FER1L6: variants seen among roughly 807,000 people sequenced by gnomAD.
The protein encoded by FER1L6 is fer-1-like protein 6.
Under a neutral mutation model 219.2 loss-of-function variants are expected in FER1L6, and 177 were observed. The observed-to-expected ratio is 0.81, with a 90% CI of 0.71 to 0.91. The LOEUF (loss-of-function observed/expected upper bound fraction) is 0.91. FER1L6 is among the 40% of genes least tolerant of loss of function. The pLI is 0.00. For synonymous variants in FER1L6, 768 were observed against 824.3 expected (o/e 0.93, Z 1.17); for missense variants, 2,153 against 2,259.9 (o/e 0.95, Z 0.96).
intron 39 of FER1L6, among the ~76,000 whole-genome samples, chr8:124,107,894 C>A (rs541855002): frequency 2.6e-5 from 4 of 152,262 alleles, no homozygotes; most frequent in African/African-American, 9.6e-5. Flanking sequence ...TGAGGACATG[C>A]ACATTTTATA....
At chr8:124,098,896 C>T (rs960145812) in intron 37 of FER1L6, among the ~76,000 whole-genome samples, 2 of 152,168 alleles carry the variant, frequency 1.3e-5, no homozygotes, top group Admixed American at 1.3e-4. Context: ...GCCACCAAAG[C>T]GACAGTGCTC....
intron 15 of FER1L6, among the ~76,000 whole-genome samples, chr8:124,014,998 G>T (rs935306063): frequency 6.6e-6 from 1 of 152,084 alleles, no homozygotes; most frequent in African/African-American, 2.4e-5. Flanking sequence ...ATGGGCCATT[G>T]GGCTGAGGAC....
At chr8:123,901,619 T>G (rs1397043437) in intron 1 of FER1L6, among the ~76,000 whole-genome samples, 1 of 152,142 alleles carries the variant, frequency 6.6e-6, no homozygotes, top group Admixed American at 6.6e-5. Context: ...ACTTTCAGTC[T>G]TTTTGATGTA....
At chr8:124,059,014 T>C (rs1460197146) in intron 22 of FER1L6, 3 of 152,216 alleles carry the variant, frequency 2.0e-5, no homozygotes, top group Admixed American at 1.3e-4. Flanking sequence ...TTTGCAGATT[T>C]TGATGCACAG....
chr8:124,005,217 C>T (rs1288194377), intron 13 of FER1L6, among the ~76,000 whole-genome samples: 1 of 152,196 alleles, frequency 6.6e-6, no homozygotes, highest in Non-Finnish European at 1.5e-5. Context: ...AAGACCTTCG[C>T]TAAACTATGA....
At chr8:124,059,318 G>A (rs1820450398) in intron 22 of FER1L6, among the ~76,000 whole-genome samples, 1 of 152,208 alleles carries the variant, frequency 6.6e-6, no homozygotes, top group Non-Finnish European at 1.5e-5. Context: ...ACACAGCAGA[G>A]CCTTATTTCT....
chr8:123,966,843 A>G (rs1471445239), intron 5 of FER1L6, among the ~76,000 whole-genome samples: 3 of 152,194 alleles, frequency 2.0e-5, no homozygotes, highest in African/African-American at 7.2e-5. Context: ...GCACTTTGGG[A>G]GGCCACGGCG....
In FER1L6 at chr8:124,082,099, T is replaced by C. The variant is rs530128488; in HGVS notation, c.4221-189T>C. Among the ~76,000 whole-genome samples the C allele has an allele frequency of 1.9e-3, 290 of 152,342 alleles. 3 individuals are homozygous for C. Among genetic ancestry groups the C allele is most frequent in the Non-Finnish European group, 3.2e-3 (215 of 68,030 alleles). On this transcript the variant is annotated intron_variant, in intron 32 of 40. Coordinates refer to ENST00000522917, the MANE Select transcript of FER1L6 (RefSeq NM_001039112.2). ...GAGATTATTGGCTATTTGAAATTGA[T>C]AACAGAGTTGAAAATTGTTTGTACT...
At chr8:123,935,002 A>G (rs1813927559) in intron 1 of FER1L6, among the ~76,000 whole-genome samples, 1 of 152,168 alleles carries the variant, frequency 6.6e-6, no homozygotes, top group Admixed American at 6.5e-5. Flanking sequence ...ACTGTGAGTC[A>G]GTTAAATCTC....
chr8:124,064,246 C>G, intron 25 of FER1L6, 101 bp from the exon 26 acceptor site: 2 of 894,460 alleles, frequency 2.2e-6, no homozygotes, highest in Non-Finnish European at 1.8e-6. Context: ...AGCAACCTGA[C>G]GTATTTGAAT....
intron 1 of FER1L6, among the ~76,000 whole-genome samples, chr8:123,929,829 G>A (rs1472290900): frequency 1.3e-5 from 2 of 152,082 alleles, no homozygotes. Context: ...TTTCCCCTAG[G>A]GCTGTAGCAT....
intron 2 of FER1L6, among the ~76,000 whole-genome samples, chr8:123,956,371 G>C (rs1301445266): frequency 1.3e-5 from 2 of 152,236 alleles, no homozygotes; most frequent in East Asian, 3.9e-4. Flanking sequence ...GAGTGGCTCT[G>C]AGTCTCAGCT....
At chr8:124,047,765 T>G (rs749997541) in intron 21 of FER1L6, 3 of 152,218 alleles carry the variant, frequency 2.0e-5, no homozygotes, top group Non-Finnish European at 4.4e-5. Flanking sequence ...GAAATACATG[T>G]AGACATGCAA....
intron 12 of FER1L6, among the ~76,000 whole-genome samples, chr8:123,990,484 G>A (rs1201769369): frequency 2.6e-5 from 4 of 152,074 alleles, no homozygotes; most frequent in South Asian, 2.1e-4. Flanking sequence ...TAGTGATGTT[G>A]AGCATTTTTT....
At chr8:123,925,827 A>G (rs1813544400) in intron 1 of FER1L6, 2 of 152,176 alleles carry the variant, frequency 1.3e-5, no homozygotes, top group Admixed American at 6.5e-5. Context: ...CATCAGCTCC[A>G]TGTACAGCTA....
chr8:124,004,330 C>T (rs533870886), intron 13 of FER1L6: 1 of 152,172 alleles, frequency 6.6e-6, no homozygotes, highest in South Asian at 2.1e-4. Flanking sequence ...CTTTTATTGC[C>T]AGATCTTGAA....
chr8:124,031,111 G>A (rs145292725), intron 18 of FER1L6, among the ~76,000 whole-genome samples: 112 of 152,198 alleles, frequency 7.4e-4, no homozygotes, highest in African/African-American at 2.7e-3. Flanking sequence ...TGAAGCTTCA[G>A]GGGCACATGA....
intron 1 of FER1L6, among the ~76,000 whole-genome samples, chr8:123,895,408 C>G (rs1050956553): frequency 6.6e-6 from 1 of 152,112 alleles, no homozygotes; most frequent in African/African-American, 2.4e-5. Flanking sequence ...ATTGTAATTC[C>G]CTTTCTATCT....
intron 39 of FER1L6, among the ~76,000 whole-genome samples, chr8:124,109,184 T>C (rs1475885814): frequency 6.6e-6 from 1 of 152,186 alleles, no homozygotes; most frequent in African/African-American, 2.4e-5. Context: ...GGCTGCGGAC[T>C]GCAGCAGATT....
Sources: allele counts gnomAD v4.1 joint callset (sites outside exome capture counted in the v4.1 genomes callset), GRCh38; gene constraint gnomAD v4.1.1; transcripts MANE v1.5; gene names NCBI Gene and HGNC (gene_info 2026-07-23, HGNC 2026-07-21).